The following FANCB variants were observed in gnomAD, a reference collection of about 807,000 sequenced individuals.
The protein encoded by FANCB is FA complementation group B, also known as Fanconi anemia group B protein.
In FANCB, 5 loss-of-function variants were observed where a neutral mutation model predicts 38.9. The observed-to-expected ratio is 0.13, with a 90% CI of 0.07 to 0.27. The LOEUF is 0.27. Among genes scored for constraint, FANCB ranks in the 10% least tolerant of loss-of-function variants. The pLI is 1.00. For missense variants in FANCB, 573 were observed against 602.7 expected (o/e 0.95, Z 0.52); for synonymous variants, 236 against 215.4 (o/e 1.10, Z -0.84).
At chrX:14,763,465 T>C in the FANCB span, among the ~76,000 whole-genome samples, 1 of 111,781 alleles carries the variant, frequency 8.9e-6, no homozygotes, top group African/African-American at 3.3e-5. Flanking sequence ...AGTACAAAGA[T>C]AGTCAAAACT....
chrX:14,727,904 T>A, the FANCB span, among the ~76,000 whole-genome samples: 1 of 111,542 alleles, frequency 9.0e-6, no homozygotes, highest in Non-Finnish European at 1.9e-5. Context: ...TCATCAATTG[T>A]CTCCCAGCAC....
chrX:14,729,156 A>G, the FANCB span, among the ~76,000 whole-genome samples: 1 of 112,372 alleles, frequency 8.9e-6, no homozygotes, highest in Non-Finnish European at 1.9e-5. Context: ...TTAATGAAAT[A>G]AAGTTAATAC....
the FANCB span, among the ~76,000 whole-genome samples, chrX:14,742,017 G>A: frequency 1.8e-5 from 2 of 111,563 alleles, no homozygotes; most frequent in Non-Finnish European, 3.8e-5. Flanking sequence ...ACCATGCCAT[G>A]CCCAGCACTA....
At chrX:14,842,628 C>G (rs2092358475), downstream of FANCB, among the ~76,000 whole-genome samples, 1 of 112,095 alleles carries the variant, frequency 8.9e-6, no homozygotes, top group South Asian at 3.6e-4. Context: ...CCTTATAAAT[C>G]ACTTCTTAAC....
the FANCB span, among the ~76,000 whole-genome samples, chrX:14,741,341 G>A: frequency 3.6e-5 from 4 of 111,504 alleles, no homozygotes; most frequent in African/African-American, 1.3e-4. Flanking sequence ...AGTCCTATCT[G>A]GATTGAGTCA....
chrX:14,799,876 T>A, the FANCB span, among the ~76,000 whole-genome samples: 1 of 111,938 alleles, frequency 8.9e-6, no homozygotes, highest in East Asian at 2.8e-4. Context: ...GAAATAGAAT[T>A]TGTAAGTAAT....
At chrX:14,845,381 T>C in intron 7 of FANCB, 95 bp from the exon 8 acceptor site, 1 of 657,540 alleles carries the variant, frequency 1.5e-6, no homozygotes, top group African/African-American at 2.2e-5. Context: ...AAAAAATGTT[T>C]ATTCTTTCCT....
At chrX:14,691,643 G>A in the FANCB span, among the ~76,000 whole-genome samples, 1 of 111,334 alleles carries the variant, frequency 9.0e-6, no homozygotes, top group East Asian at 2.8e-4. Flanking sequence ...ATGTTAGGAG[G>A]GGCACCAGCC....
the FANCB span, among the ~76,000 whole-genome samples, chrX:14,821,750 C>CT: frequency 9.0e-6 from 1 of 111,639 alleles, no homozygotes; most frequent in Non-Finnish European, 1.9e-5. Flanking sequence ...AAGTCAGCTG[C>CT]TAACTTAGTG....
the FANCB span, among the ~76,000 whole-genome samples, chrX:14,757,647 T>A: frequency 1.8e-5 from 2 of 111,493 alleles, no homozygotes; most frequent in African/African-American, 6.5e-5. Flanking sequence ...CCGAACAAAG[T>A]ACGGGGTAGA....
intron 1 of FANCB, among the ~76,000 whole-genome samples, chrX:14,870,830 A>G (rs954944537): frequency 8.9e-6 from 1 of 111,806 alleles, no homozygotes; most frequent in African/African-American, 3.3e-5. Flanking sequence ...CAAAAAGTCT[A>G]AGAAACCATA....
intron 10 of FANCB, among the ~76,000 whole-genome samples, chrX:14,836,637 T>C (rs772988778): frequency 1.8e-5 from 2 of 112,310 alleles, no homozygotes; most frequent in Non-Finnish European, 1.9e-5. Context: ...CCCTTTTTGC[T>C]ATTCAAAGTG....
At chrX:14,719,312 G>T in the FANCB span, among the ~76,000 whole-genome samples, 1 of 111,478 alleles carries the variant, frequency 9.0e-6, no homozygotes, top group African/African-American at 3.3e-5. Flanking sequence ...TCCAATAAGG[G>T]ATCAATATCA....
intron 5 of FANCB, among the ~76,000 whole-genome samples, chrX:14,856,958 A>G (rs2092425697): frequency 8.9e-6 from 1 of 112,280 alleles, no homozygotes; most frequent in South Asian, 3.6e-4. Flanking sequence ...ATCATTAACA[A>G]TTTTCTAACT....
At chrX:14,834,336 T>C (rs925502988), downstream of FANCB, 14 of 311,058 alleles carry the variant, frequency 4.5e-5, no homozygotes, top group African/African-American at 3.5e-4. Context: ...TTCTTCACAA[T>C]GGAACCTGGA....
the FANCB span, among the ~76,000 whole-genome samples, chrX:14,724,635 A>AAAAAAAAAAC: frequency 2.5e-5 from 1 of 40,694 alleles, no homozygotes; most frequent in African/African-American, 6.6e-5. Flanking sequence ...TCAAAAAAAA[A>AAAAAAAAAAC]AAAAAAAAAA....
chrX:14,810,987 C>A, the FANCB span, among the ~76,000 whole-genome samples: 1 of 111,886 alleles, frequency 8.9e-6, no homozygotes, highest in African/African-American at 3.2e-5. Flanking sequence ...ACTCTACAAG[C>A]CAGAAGAAAG....
chrX:14,793,354 C>A, the FANCB span, among the ~76,000 whole-genome samples: 2 of 111,626 alleles, frequency 1.8e-5, no homozygotes, highest in Non-Finnish European at 3.8e-5. Context: ...CTAGAGTTAG[C>A]AAATGTGTAG....
the FANCB span, among the ~76,000 whole-genome samples, chrX:14,760,186 G>A: frequency 8.9e-6 from 1 of 112,427 alleles, no homozygotes; most frequent in African/African-American, 3.2e-5. Context: ...GAAAGAAAAT[G>A]TGGTAAATAT....
Sources: allele counts gnomAD v4.1 joint callset (sites outside exome capture counted in the v4.1 genomes callset), GRCh38; gene constraint gnomAD v4.1.1; transcripts MANE v1.5; gene names NCBI Gene and HGNC (gene_info 2026-07-23, HGNC 2026-07-21).